CYP11A1: variants seen among roughly 807,000 people sequenced by gnomAD.
CYP11A1 encodes cytochrome P450 family 11 subfamily A member 1.
CYP11A1 carries 25 observed loss-of-function variants against 51.9 expected under a neutral mutation model. The ratio of observed to expected loss-of-function variants is 0.48; its 90% CI spans 0.35 to 0.67. CYP11A1 has a LOEUF of 0.67. Ranked by LOEUF, CYP11A1 falls within the 30% of genes least tolerant of loss-of-function variation. CYP11A1 has a pLI of 0.00. For synonymous variants in CYP11A1, 245 were observed against 262.1 expected (o/e 0.93, Z 0.63); for missense variants, 578 against 680.9 (o/e 0.85, Z 1.68).
At chr15:74,363,155 G>A (rs974854550) in intron 1 of CYP11A1, 7 of 152,236 alleles carry the variant, frequency 4.6e-5, no homozygotes, top group Admixed American at 1.3e-4. Flanking sequence ...GCTAAACAGC[G>A]AAGTATCTGT....
intron 5 of CYP11A1, among the ~76,000 whole-genome samples, chr15:74,342,628 T>C (rs2060612315): frequency 6.6e-6 from 1 of 152,150 alleles, no homozygotes; most frequent in Non-Finnish European, 1.5e-5. Flanking sequence ...CACCAGGAGC[T>C]GGGGGCATTG....
chr15:74,339,295 G>A lies in CYP11A1; in HGVS notation c.1178C>T (p.Thr393Ile). The change falls in exon 7 of 9, where the codon ACC becomes ATC. Residue 393 changes from threonine to isoleucine, a missense_variant. Thr to Ile is a moderately conservative substitution (Grantham distance 89). Transcript: ENST00000268053. ...GTCATTTACAAGATATCTCTGCAGGGTCACGGAGATGGGGTGAAGTCTGCG... is the reference window on the plus strand; with the variant it reads ...GTCATTTACAAGATATCTCTGCAGGATCACGGAGATGGGGTGAAGTCTGCG... The part of the protein sequence containing the change: ...ETLRLHPISV[T>I]LQRYLVNDLV... 3 of 1,614,196 alleles carry A rather than the reference G, an allele frequency of 1.9e-6. No homozygotes were observed. The highest frequency in any genetic ancestry group is 2.5e-6 in the Non-Finnish European group (3 of 1,180,006).
chr15:74,361,679 G>A, intron 1 of CYP11A1: 1 of 1,219,384 alleles, frequency 8.2e-7, no homozygotes, highest in South Asian at 1.2e-5. Flanking sequence ...GCACTGGAGA[G>A]GAAGGATTTG....
chr15:74,351,241 G>C (rs2060654955), intron 1 of CYP11A1, among the ~76,000 whole-genome samples: 1 of 152,008 alleles, frequency 6.6e-6, no homozygotes, highest in East Asian at 1.9e-4. Context: ...CTTGGAAATT[G>C]AGGCTGGGGT....
In CYP11A1 at chr15:74,339,645, T is replaced by A. The variant is rs764270391; in HGVS notation, c.1099A>T (p.Met367Leu). The A allele has an allele frequency of 3.2e-5, 52 of 1,614,102 alleles. No homozygotes were observed. In the Middle Eastern group the frequency reaches 8.2e-4, roughly 26 times the overall value. The change falls in exon 6 of 9, where the codon ATG becomes TTG. Residue 367 changes from methionine (M) to leucine (L), a missense_variant. Physicochemically the swap from Met to Leu is conservative, Grantham distance 15 (BLOSUM62 2). Coordinates refer to ENST00000268053, the MANE Select transcript of CYP11A1 (RefSeq NM_000781.3). ...GGGACCAGCTGTAGCATCGTGGCCA[T>A]GTCTCCCTGGGCCTGGTGCCGCGCA... The part of the protein sequence containing the change: ...LAARHQAQGD[M>L]ATMLQLVPLL...
chr15:74,359,682 C>A (rs976666971), intron 1 of CYP11A1: 1 of 152,278 alleles, frequency 6.6e-6, no homozygotes, highest in African/African-American at 2.4e-5. Flanking sequence ...TCTCCCTTCG[C>A]TGACTCTCTT....
intron 7 of CYP11A1, 80 bp downstream of exon 7, chr15:74,339,157 G>T (rs1175423206): frequency 8.0e-6 from 10 of 1,253,940 alleles, no homozygotes; most frequent in Non-Finnish European, 1.2e-5. Context: ...CAGGGCCCCA[G>T]TGCCACCCTC....
At chr15:74,364,325 T>C (rs1300774487) in intron 1 of CYP11A1, 1 of 152,252 alleles carries the variant, frequency 6.6e-6, no homozygotes, top group African/African-American at 2.4e-5. Flanking sequence ...TAAAGATTTA[T>C]GGGGATCACA....
At chr15:74,361,566 C>A (rs1204474459) in intron 1 of CYP11A1, 2 of 840,342 alleles carry the variant, frequency 2.4e-6, no homozygotes, top group South Asian at 1.3e-5. Context: ...TCAACCCCAC[C>A]GTGTTCTTTG....
chr15:74,367,459 G>T lies in CYP11A1; in HGVS notation c.127C>A (p.Arg43Ser). The T allele has an allele frequency of 6.2e-7, 1 of 1,614,240 alleles. No homozygotes were observed. Among genetic ancestry groups the T allele is most frequent in the Non-Finnish European group, 8.5e-7 (1 of 1,180,044 alleles). ...ATCTCATTGAAGGGGCGAGGACTGCGGGTGGAGATGCCAGCTCCCTCGCCA... is the reference window on the plus strand; with the variant it reads ...ATCTCATTGAAGGGGCGAGGACTGCTGGTGGAGATGCCAGCTCCCTCGCCA... ...PTGEGAGIST[R>S]SPRPFNEIPS... Residue 43 changes from arginine to serine, a missense_variant, in exon 1 of 9, where the codon CGC becomes AGC. Arg to Ser is a moderately radical substitution (Grantham distance 110). Transcript: ENST00000268053.
chr15:74,347,052 C>T (rs887507495), intron 2 of CYP11A1, among the ~76,000 whole-genome samples: 21 of 152,016 alleles, frequency 1.4e-4, no homozygotes, highest in African/African-American at 4.6e-4. Context: ...GCAATCTGTC[C>T]GCCTTGGCCT....
At chr15:74,342,519 C>A (rs1490172364) in intron 5 of CYP11A1, among the ~76,000 whole-genome samples, 1 of 152,176 alleles carries the variant, frequency 6.6e-6, no homozygotes, top group Non-Finnish European at 1.5e-5. Flanking sequence ...GGAAGGACAA[C>A]AAAAAGACCA....
chr15:74,339,423 G>T (rs1220392254), intron 6 of CYP11A1, 108 bp from the exon 7 acceptor site: 3 of 1,408,692 alleles, frequency 2.1e-6, no homozygotes, highest in South Asian at 1.2e-5. Flanking sequence ...AGCCTGGGGG[G>T]ACCTGGGGGT....
At position 74,337,985 on chromosome 15, in the gene CYP11A1, G is replaced by A; in HGVS notation, c.1553C>T (p.Ala518Val). The change falls in exon 9 of 9, where the codon GCA (alanine) becomes GTA (valine). Residue 518 changes from alanine (A) to valine (V), a missense_variant. Ala to Val is a moderately conservative substitution (Grantham distance 64). Coordinates refer to ENST00000268053, the MANE Select transcript of CYP11A1 (RefSeq NM_000781.3). Reference sequence around the variant, plus strand: ...CATCCTCTCTGATCACTGCTGGGTTGCTTCCTGGTTAAAGGGCCAGAAGGT... The same window carrying A: ...CATCCTCTCTGATCACTGCTGGGTTACTTCCTGGTTAAAGGGCCAGAAGGT... The part of the protein sequence containing the change: ...SFTFWPFNQE[A>V]TQQ 6.2e-7 allele frequency: 1 copy of A among 1,614,064 alleles called. No homozygotes were observed. Among genetic ancestry groups the A allele is most frequent in the Non-Finnish European group, 8.5e-7 (1 of 1,180,016 alleles).
At chr15:74,366,124 C>G (rs981618467) in intron 1 of CYP11A1, 1 of 985,512 alleles carries the variant, frequency 1.0e-6, no homozygotes, top group South Asian at 4.7e-5. Context: ...AGGAGCAGGC[C>G]GGGGGCCACG....
intron 1 of CYP11A1, chr15:74,365,427 G>T (rs1312960052): frequency 6.5e-6 from 1 of 153,108 alleles, no homozygotes; most frequent in East Asian, 1.9e-4. Context: ...ACCCCAGCAG[G>T]ACAGGAATCT....
At chr15:74,362,346 T>C (rs996940015) in intron 1 of CYP11A1, 1 of 210,316 alleles carries the variant, frequency 4.8e-6, no homozygotes, top group Non-Finnish European at 9.6e-6. Context: ...GGGATTTCAT[T>C]CCATTGTTAT....
chr15:74,353,404 C>CT (rs1227423670), intron 1 of CYP11A1, among the ~76,000 whole-genome samples: 2 of 152,002 alleles, frequency 1.3e-5, no homozygotes, highest in Non-Finnish European at 2.9e-5. Context: ...TTTGGCAACT[C>CT]TTTTTTTTAA....
chr15:74,344,964 A>C (rs1338859291), intron 3 of CYP11A1, 80 bp downstream of exon 3: 24 of 1,304,868 alleles, frequency 1.8e-5, no homozygotes, highest in Non-Finnish European at 2.6e-5. Context: ...CAGGGTCTGT[A>C]CTGAACCTCA....
Sources: gnomAD v4.1 joint callset for allele counts (sites outside exome capture counted in the v4.1 genomes callset) on GRCh38, gnomAD v4.1.1 for gene constraint, MANE v1.5 for transcripts, NCBI Gene and HGNC (gene_info 2026-07-23, HGNC 2026-07-21) for gene names.